STXBP5L: variants seen among roughly 807,000 people sequenced by gnomAD.
STXBP5L encodes the protein syntaxin binding protein 5L.
Under a neutral mutation model 144.5 loss-of-function variants are expected in STXBP5L, and 65 were observed. That is an observed-to-expected ratio of 0.45 (90% CI 0.37 to 0.55). The LOEUF is 0.55. Among genes scored for constraint, STXBP5L ranks in the 20% least tolerant of loss-of-function variants. The probability of loss-of-function intolerance (pLI) is 0.00; values close to 1 mark genes in which losing one functional copy is unlikely to be tolerated. For synonymous variants in STXBP5L, 505 were observed against 469.6 expected (o/e 1.08, Z -0.97); for missense variants, 1,298 against 1,405.5 (o/e 0.92, Z 1.22).
intron 5 of STXBP5L, among the ~76,000 whole-genome samples, chr3:121,052,243 C>T (rs909128629): frequency 2.6e-5 from 4 of 152,144 alleles, no homozygotes; most frequent in African/African-American, 7.2e-5. Flanking sequence ...AGGCCCGCAT[C>T]ATCCTGGCAT....
At chr3:121,036,648 C>T (rs1193716907) in intron 3 of STXBP5L, among the ~76,000 whole-genome samples, 1 of 151,860 alleles carries the variant, frequency 6.6e-6, no homozygotes, top group Non-Finnish European at 1.5e-5. Flanking sequence ...TGAGGAAGTT[C>T]ACTTTTCCTA....
rs536536186 is a variant in STXBP5L at position 121,183,666 on chromosome 3, A to AAGGG, written c.878-22245_878-22242dup. Among the ~76,000 whole-genome samples the AAGGG allele has an allele frequency of 3.6e-3, 545 of 151,394 alleles. 28 individuals are homozygous for AAGGG. In the South Asian group the frequency reaches 0.1, roughly 28 times the overall value. ...AGAAAGAAAAAAGAAAGAAAGAAGGAAGGGAGGGAGGGAGGAAGGAAGCAA... is the reference window on the plus strand; with the variant it reads ...AGAAAGAAAAAAGAAAGAAAGAAGGAAGGGAGGGAGGGAGGGAGGAAGGAAGCAA... On this transcript the variant is annotated intron_variant, in intron 9 of 26. Transcript: ENST00000471454.
chr3:121,084,171 T>G (rs1456786507), intron 5 of STXBP5L, among the ~76,000 whole-genome samples: 5 of 152,084 alleles, frequency 3.3e-5, no homozygotes, highest in African/African-American at 1.2e-4. Context: ...AGGAGGTAAG[T>G]TACTGGTTTG....
At chr3:121,262,990 A>C (rs1170083012) in intron 18 of STXBP5L, among the ~76,000 whole-genome samples, 2 of 152,200 alleles carry the variant, frequency 1.3e-5, no homozygotes, top group Admixed American at 6.5e-5. Flanking sequence ...CTGCCTCCTC[A>C]AGTGGATCCT....
intron 19 of STXBP5L, among the ~76,000 whole-genome samples, chr3:121,280,568 A>G (rs2051025365): frequency 6.6e-6 from 1 of 151,954 alleles, no homozygotes; most frequent in Non-Finnish European, 1.5e-5. Flanking sequence ...ACTTAAGGTA[A>G]TTAGGATTTA....
At chr3:121,022,216 A>G (rs1945608466) in intron 3 of STXBP5L, among the ~76,000 whole-genome samples, 1 of 152,106 alleles carries the variant, frequency 6.6e-6, no homozygotes, top group Admixed American at 6.6e-5. Flanking sequence ...AGATTAAACC[A>G]GGAAGAAATA....
chr3:121,345,671 T>C (rs996389154), intron 20 of STXBP5L, among the ~76,000 whole-genome samples: 1 of 152,106 alleles, frequency 6.6e-6, no homozygotes, highest in South Asian at 2.1e-4. Context: ...CCAGCATCTG[T>C]TGTTTCCTGA....
At chr3:121,350,254 A>T (rs1450864642) in intron 20 of STXBP5L, among the ~76,000 whole-genome samples, 1 of 152,082 alleles carries the variant, frequency 6.6e-6, no homozygotes, top group Non-Finnish European at 1.5e-5. Flanking sequence ...CTGGGTTGAA[A>T]ATTCTTTCCT....
At chr3:120,981,121 T>C (rs1333702033) in intron 3 of STXBP5L, among the ~76,000 whole-genome samples, 1 of 152,134 alleles carries the variant, frequency 6.6e-6, no homozygotes, top group Admixed American at 6.5e-5. Context: ...CCCTTCTTTC[T>C]TTCCACTTTT....
intron 20 of STXBP5L, among the ~76,000 whole-genome samples, chr3:121,353,650 T>A (rs984433153): frequency 6.6e-6 from 1 of 152,188 alleles, no homozygotes; most frequent in Non-Finnish European, 1.5e-5. Flanking sequence ...GATTCATTAA[T>A]TTTTTGAAGG....
chr3:121,029,328 C>T (rs868265381), intron 3 of STXBP5L, among the ~76,000 whole-genome samples: 1 of 152,078 alleles, frequency 6.6e-6, no homozygotes, highest in Non-Finnish European at 1.5e-5. Flanking sequence ...GGTAACAAAA[C>T]AGATATATAG....
intron 5 of STXBP5L, among the ~76,000 whole-genome samples, chr3:121,101,756 T>C (rs942805440): frequency 6.6e-6 from 1 of 151,844 alleles, no homozygotes; most frequent in African/African-American, 2.4e-5. Context: ...AAGAAAGAAA[T>C]AAAAGGCATC....
chr3:121,030,039 A>C (rs1338764326), intron 3 of STXBP5L, among the ~76,000 whole-genome samples: 1 of 152,134 alleles, frequency 6.6e-6, no homozygotes, highest in Non-Finnish European at 1.5e-5. Flanking sequence ...CAGAAGCTGG[A>C]GAGGATGTGG....
At chr3:121,096,640 C>G (rs888798457) in intron 5 of STXBP5L, among the ~76,000 whole-genome samples, 2 of 151,910 alleles carry the variant, frequency 1.3e-5, no homozygotes, top group Non-Finnish European at 2.9e-5. Flanking sequence ...CCACTACAGA[C>G]GCTATTTGCC....
At chr3:120,977,225 G>GC (rs1559939748) in intron 3 of STXBP5L, among the ~76,000 whole-genome samples, 1 of 152,158 alleles carries the variant, frequency 6.6e-6, no homozygotes, top group African/African-American at 2.4e-5. Flanking sequence ...GAATCTGGGT[G>GC]CTCCTGTATT....
chr3:121,351,775 T>G (rs1004417969), intron 20 of STXBP5L, among the ~76,000 whole-genome samples: 5 of 152,136 alleles, frequency 3.3e-5, no homozygotes, highest in Admixed American at 6.6e-5. Context: ...ATGTCCTGAA[T>G]GGTATTGCCT....
At chr3:121,187,593 T>A in intron 9 of STXBP5L, among the ~76,000 whole-genome samples, 2 of 107,902 alleles carry the variant, frequency 1.9e-5, no homozygotes. Flanking sequence ...AAAAGAACCA[T>A]GAATGATAAA....
At chr3:121,338,436 G>C (rs2044582393) in intron 20 of STXBP5L, among the ~76,000 whole-genome samples, 1 of 151,838 alleles carries the variant, frequency 6.6e-6, no homozygotes, top group Admixed American at 6.6e-5. Context: ...TTGAGGTCAA[G>C]AGTTTGAGAC....
At chr3:121,001,430 C>T (rs1311813668) in intron 3 of STXBP5L, among the ~76,000 whole-genome samples, 1 of 152,188 alleles carries the variant, frequency 6.6e-6, no homozygotes, top group Non-Finnish European at 1.5e-5. Flanking sequence ...GCAAGTTTGA[C>T]AGTCAAAAAA....
Sources: allele counts gnomAD v4.1 joint callset (sites outside exome capture counted in the v4.1 genomes callset), GRCh38; gene constraint gnomAD v4.1.1; transcripts MANE v1.5; gene names NCBI Gene and HGNC (gene_info 2026-07-23, HGNC 2026-07-21).